The following SPATS2 variants were observed in gnomAD, a reference collection of about 807,000 sequenced individuals.
The protein encoded by SPATS2 is spermatogenesis-associated serine-rich protein 2.
In SPATS2, 38 loss-of-function variants were observed where a neutral mutation model predicts 63.7. That is an observed-to-expected ratio of 0.60 (90% CI 0.46 to 0.78). The LOEUF is 0.78. SPATS2 is among the 30% of genes least tolerant of loss of function. The pLI is 0.00. For synonymous variants in SPATS2, 207 were observed against 232.9 expected, an observed-to-expected ratio of 0.89 and a Z score of 1.01; for missense variants, 588 against 666.2, an observed-to-expected ratio of 0.88 and a Z score of 1.29.
chr12:49,409,520 T>A (rs1426163857), intron 2 of SPATS2, among the ~76,000 whole-genome samples: 4 of 150,564 alleles, frequency 2.7e-5, no homozygotes, highest in Non-Finnish European at 5.9e-5. Context: ...TTAGCCAGGA[T>A]GGTCTCAATC....
At chr12:49,514,939 A>C (rs1946813668) in intron 10 of SPATS2, among the ~76,000 whole-genome samples, 1 of 152,098 alleles carries the variant, frequency 6.6e-6, no homozygotes, top group Admixed American at 6.5e-5. Context: ...GATTTTTTCT[A>C]CTTGGAAAAA....
chr12:49,497,577 G>A (rs982335402), intron 8 of SPATS2, among the ~76,000 whole-genome samples: 2 of 151,856 alleles, frequency 1.3e-5, no homozygotes, highest in African/African-American at 4.8e-5. Context: ...TGTATTTTTA[G>A]TAGAGATGGG....
At chr12:49,375,187 TG>T (rs1944076874) in intron 2 of SPATS2, among the ~76,000 whole-genome samples, 1 of 82,208 alleles carries the variant, frequency 1.2e-5, no homozygotes, top group Admixed American at 1.0e-4. Context: ...TGTGTGTGTG[TG>T]TGTGTGTGGT....
At position 49,525,940 on chromosome 12, in the gene SPATS2, T is replaced by G; in HGVS notation, c.1327-4T>G. 6.2e-7 allele frequency: 1 copy of G among 1,612,134 alleles called. No individual in the cohort carries two copies. The highest frequency in any genetic ancestry group is 8.5e-7 in the Non-Finnish European group (1 of 1,178,744). On this transcript the variant is annotated splice_region_variant and splice_polypyrimidine_tract_variant and intron_variant, in intron 13 of 13. Transcript: ENST00000552918. ...CCTTGAACATTGTATTCTTTCATCT[T>G]TAGGTATTGCCAGGGAACAGACGAG...
intron 8 of SPATS2, among the ~76,000 whole-genome samples, chr12:49,498,293 A>G (rs189864434): frequency 1.5e-3 from 226 of 152,002 alleles, no homozygotes; most frequent in South Asian, 3.9e-3. Context: ...TTTTAGATCC[A>G]TGTTTCCAGC....
chr12:49,383,647 C>G (rs532604245), intron 2 of SPATS2, among the ~76,000 whole-genome samples: 1 of 152,264 alleles, frequency 6.6e-6, no homozygotes, highest in African/African-American at 2.4e-5. Context: ...GGTGATCCTC[C>G]CACCTCAGCC....
intron 2 of SPATS2, among the ~76,000 whole-genome samples, chr12:49,443,471 A>G (rs1945459207): frequency 1.3e-5 from 2 of 151,656 alleles, no homozygotes; most frequent in South Asian, 4.2e-4. Context: ...CATAAGGTGC[A>G]TGTTGTTTTT....
chr12:49,405,323 G>A (rs1163830561), intron 2 of SPATS2, among the ~76,000 whole-genome samples: 2 of 151,982 alleles, frequency 1.3e-5, no homozygotes, highest in Non-Finnish European at 2.9e-5. Context: ...AAACCCAGAT[G>A]TCTGAATTCA....
intron 2 of SPATS2, among the ~76,000 whole-genome samples, chr12:49,381,874 T>C (rs1944228902): frequency 6.6e-6 from 1 of 152,236 alleles, no homozygotes; most frequent in South Asian, 2.1e-4. Context: ...GAATATATTC[T>C]ACCAGGTTTA....
intron 2 of SPATS2, among the ~76,000 whole-genome samples, chr12:49,415,235 G>A (rs1025812271): frequency 6.6e-6 from 1 of 151,676 alleles, no homozygotes; most frequent in African/African-American, 2.4e-5. Context: ...AGCAGAGATG[G>A]GGTTTCACCA....
intron 11 of SPATS2, among the ~76,000 whole-genome samples, chr12:49,521,147 G>A (rs1189445590): frequency 6.6e-6 from 1 of 152,214 alleles, no homozygotes; most frequent in Non-Finnish European, 1.5e-5. Context: ...CTGTAACAAA[G>A]GGAGTTGGCC....
chr12:49,520,265 C>T (rs1483839652), intron 11 of SPATS2, among the ~76,000 whole-genome samples: 5 of 152,166 alleles, frequency 3.3e-5, no homozygotes, highest in South Asian at 2.1e-4. Context: ...CGGGCATGAG[C>T]CACCACGCCC....
chr12:49,431,335 G>A (rs1398178014), intron 2 of SPATS2, among the ~76,000 whole-genome samples: 1 of 151,824 alleles, frequency 6.6e-6, no homozygotes. Context: ...TGCAACCTCC[G>A]TCTTCTGGGT....
intron 4 of SPATS2, 129 bp from the exon 5 acceptor site, chr12:49,489,336 C>G (rs1426278592): frequency 1.7e-6 from 1 of 595,702 alleles, no homozygotes; most frequent in Non-Finnish European, 2.9e-6. Flanking sequence ...TATGTACTGT[C>G]ACTGACACTA....
chr12:49,389,751 T>C (rs565426951), intron 2 of SPATS2: 5 of 1,504,338 alleles, frequency 3.3e-6, no homozygotes, highest in East Asian at 2.3e-5. Flanking sequence ...AATCAGAGAA[T>C]TGCAACAAGA....
intron 3 of SPATS2, among the ~76,000 whole-genome samples, chr12:49,480,515 C>G (rs552621054): frequency 2.0e-5 from 3 of 152,188 alleles, no homozygotes; most frequent in East Asian, 1.9e-4. Flanking sequence ...CAGTAAAACT[C>G]TAAGAGGGCA....
At chr12:49,441,984 C>T (rs1592399868) in intron 2 of SPATS2, among the ~76,000 whole-genome samples, 1 of 152,082 alleles carries the variant, frequency 6.6e-6, no homozygotes, top group South Asian at 2.1e-4. Context: ...GAGTGGTTTT[C>T]TTCAGGAAAC....
chr12:49,436,837 CG>C, intron 2 of SPATS2, among the ~76,000 whole-genome samples: 1 of 137,356 alleles, frequency 7.3e-6, no homozygotes, highest in South Asian at 2.4e-4. Context: ...ACCTCCTGGA[CG>C]GGGCGGCTGT....
intron 2 of SPATS2, among the ~76,000 whole-genome samples, chr12:49,410,413 T>C (rs1390220032): frequency 6.6e-6 from 1 of 152,110 alleles, no homozygotes; most frequent in Non-Finnish European, 1.5e-5. Flanking sequence ...ACCATGTATC[T>C]GAAAAAAAGT....
Sources: allele counts gnomAD v4.1 joint callset (sites outside exome capture counted in the v4.1 genomes callset), GRCh38; gene constraint gnomAD v4.1.1; transcripts MANE v1.5; gene names NCBI Gene and HGNC (gene_info 2026-07-23, HGNC 2026-07-21).